Variants in ZNF148 observed in about 807,000 individuals in gnomAD.
ZNF148 encodes the protein Beta-Enolase Repressor Factor-1.
Under a neutral mutation model 67.7 loss-of-function variants are expected in ZNF148, and 7 were observed. The observed-to-expected ratio is 0.10, with a 90% confidence interval of 0.06 to 0.19. The LOEUF is 0.19. Among genes scored for constraint, ZNF148 ranks in the 10% least tolerant of loss-of-function variants. The pLI, the probability that ZNF148 is intolerant of heterozygous loss-of-function variation, is 1.00. For synonymous variants in ZNF148, 333 were observed against 330.7 expected (o/e 1.01, Z -0.08); for missense variants, 583 against 947.1 (o/e 0.62, Z 5.05).
chr3:125,232,610 G>C lies in ZNF148; in HGVS notation c.2116C>G (p.Leu706Val), dbSNP rs751493885. 1.4e-5 allele frequency: 23 copies of C among 1,613,686 alleles called. No individual in the cohort carries two copies. The highest frequency in any genetic ancestry group is 4.0e-5 in the African/African-American group (3 of 74,898). The change falls in exon 9 of 9, where the codon CTG (leucine) becomes GTG (valine). Residue 706 changes from leucine to valine, a missense_variant. By Grantham distance (32) the Leu-to-Val change is conservative. Coordinates refer to ENST00000360647, the MANE Select transcript of ZNF148 (RefSeq NM_021964.3). The surrounding 1 kb of genome is among the most constrained non-coding windows in gnomAD (Gnocchi z 4.2). The stretch of plus-strand genomic sequence containing the variant: ...TTCTTCTGAGAAGTCACTTGATCCA[G>C]AAAGTCCTGTGTTGATGTGGCAGAA... ...HASATSTQDF[L>V]DQVTSQKKAE...
At chr3:125,333,129 C>T (rs958694592) in intron 1 of ZNF148, among the ~76,000 whole-genome samples, 6 of 152,126 alleles carry the variant, frequency 3.9e-5, no homozygotes, top group African/African-American at 1.2e-4. Flanking sequence ...ATAGACTGGA[C>T]AAATGTTTTT....
intron 7 of ZNF148, among the ~76,000 whole-genome samples, chr3:125,275,208 C>T (rs1007130720): frequency 3.3e-5 from 5 of 152,202 alleles, no homozygotes; most frequent in African/African-American, 1.2e-4. Flanking sequence ...AATTGATTCT[C>T]TCTTCAAAAG....
chr3:125,373,472 G>A (rs1942957456), intron 1 of ZNF148, among the ~76,000 whole-genome samples: 2 of 152,074 alleles, frequency 1.3e-5, no homozygotes, highest in East Asian at 3.9e-4. Context: ...GTTCCCTCTT[G>A]GAAATCTGGT....
intron 4 of ZNF148, among the ~76,000 whole-genome samples, chr3:125,290,881 C>T (rs539949336): frequency 2.6e-5 from 4 of 152,114 alleles, no homozygotes; most frequent in Non-Finnish European, 4.4e-5. Context: ...CTGCATCAGG[C>T]TTTGGGGATG....
chr3:125,343,012 T>A (rs571516487), intron 1 of ZNF148, among the ~76,000 whole-genome samples: 1 of 152,330 alleles, frequency 6.6e-6, no homozygotes, highest in South Asian at 2.1e-4. Flanking sequence ...AAGGTTCTAG[T>A]AATCTGCAAG....
At chr3:125,311,166 T>C (rs535029767) in intron 4 of ZNF148, 34 of 172,296 alleles carry the variant, frequency 2.0e-4, no homozygotes, top group Non-Finnish European at 3.6e-4. Context: ...ACTTTATTGA[T>C]AGATGAAGAT....
At chr3:125,363,823 T>A (rs1358181245) in intron 1 of ZNF148, among the ~76,000 whole-genome samples, 2 of 152,030 alleles carry the variant, frequency 1.3e-5, no homozygotes, top group Non-Finnish European at 2.9e-5. Context: ...CTAATTTTTT[T>A]ATCTTTGCAG....
rs1935641644 is a variant in ZNF148 at position 125,226,485 on chromosome 3, T to C, written c.*5856A>G. On this transcript the variant is annotated 3_prime_UTR_variant, in exon 9 of 9. Transcript: ENST00000360647. ...TAAAGCAAAACAACTTCCTTTAGTA[T>C]CACAATACATAAAATGGTTTTATAA... 1 of 152,616 alleles carries C rather than the reference T, an allele frequency of 6.6e-6. No homozygotes were observed. Among genetic ancestry groups the C allele is most frequent in the Admixed American group, 6.5e-5 (1 of 15,280 alleles). The allele number at this position is 152,616 out of a possible 1,614,324, so 9.5% of individuals were successfully genotyped here. A position where few individuals can be genotyped will look rare whatever the true frequency, so the allele number is the denominator to read the frequency against.
At chr3:125,316,394 A>C (rs1940494087) in intron 3 of ZNF148, among the ~76,000 whole-genome samples, 1 of 152,152 alleles carries the variant, frequency 6.6e-6, no homozygotes, top group Non-Finnish European at 1.5e-5. Context: ...ATGCTAGCTC[A>C]ATTTTTAGTT....
chr3:125,262,045 G>A (rs935700237), intron 7 of ZNF148, among the ~76,000 whole-genome samples: 1 of 151,974 alleles, frequency 6.6e-6, no homozygotes, highest in African/African-American at 2.4e-5. Flanking sequence ...CTCTTTTATA[G>A]GGCTTCAAAA....
intron 1 of ZNF148, among the ~76,000 whole-genome samples, chr3:125,373,676 C>A (rs1942965738): frequency 6.6e-6 from 1 of 152,216 alleles, no homozygotes; most frequent in Admixed American, 6.5e-5. Context: ...CAGGCCCACA[C>A]TTTGCTGGCT....
intron 7 of ZNF148, among the ~76,000 whole-genome samples, chr3:125,244,635 T>C (rs1017555974): frequency 2.0e-5 from 3 of 152,016 alleles, no homozygotes; most frequent in African/African-American, 7.2e-5. Context: ...GTAGCTGGCA[T>C]TACAGGCATG....
chr3:125,350,591 T>A (rs1052262856), intron 1 of ZNF148, among the ~76,000 whole-genome samples: 12 of 152,234 alleles, frequency 7.9e-5, no homozygotes. Flanking sequence ...AGGATGAAAC[T>A]GTTCCACCTT....
At chr3:125,303,716 T>C (rs1246865043) in intron 4 of ZNF148, among the ~76,000 whole-genome samples, 1 of 151,704 alleles carries the variant, frequency 6.6e-6, no homozygotes, top group African/African-American at 2.4e-5. Flanking sequence ...TTATATATTA[T>C]AATATAATAA....
At chr3:125,253,048 C>T (rs1215642754) in intron 7 of ZNF148, among the ~76,000 whole-genome samples, 1 of 152,110 alleles carries the variant, frequency 6.6e-6, no homozygotes, top group Non-Finnish European at 1.5e-5. Context: ...CTGACACATA[C>T]GCATCTGCTG....
intron 7 of ZNF148, among the ~76,000 whole-genome samples, chr3:125,276,235 T>G (rs781723176): frequency 1.3e-5 from 2 of 152,130 alleles, no homozygotes; most frequent in South Asian, 4.1e-4. Context: ...GAATTTAAAT[T>G]TAGCTATAAG....
chr3:125,245,032 G>A (rs2107535149), intron 7 of ZNF148, among the ~76,000 whole-genome samples: 1 of 152,022 alleles, frequency 6.6e-6, no homozygotes, highest in South Asian at 2.1e-4. Flanking sequence ...TGGCATGAAG[G>A]GAAGCCCATC....
intron 1 of ZNF148, chr3:125,344,139 GC>G: frequency 3.9e-6 from 1 of 253,772 alleles, no homozygotes; most frequent in Non-Finnish European, 7.8e-6. Context: ...ACTTTAACTG[GC>G]CATCTTCCTC....
intron 2 of ZNF148, among the ~76,000 whole-genome samples, chr3:125,324,755 G>C (rs1276360360): frequency 6.6e-6 from 1 of 152,122 alleles, no homozygotes; most frequent in Non-Finnish European, 1.5e-5. Flanking sequence ...TATCACTAAT[G>C]ATTTCCTCTT....
Sources: gnomAD v4.1 joint callset for allele counts (sites outside exome capture counted in the v4.1 genomes callset) on GRCh38, gnomAD v4.1.1 for gene constraint, Gnocchi (gnomAD v3.1) non-coding constraint, MANE v1.5 for transcripts, NCBI Gene and HGNC (gene_info 2026-07-23, HGNC 2026-07-21) for gene names.